COL22A1: variants seen among roughly 807,000 people sequenced by gnomAD.
COL22A1 encodes the protein collagen type XXII alpha 1 chain, also known as collagen alpha-1(XXII) chain.
In COL22A1, 221 loss-of-function variants were observed where a neutral mutation model predicts 248.9. The observed-to-expected ratio is 0.89, with a 90% CI of 0.80 to 0.99. The LOEUF (loss-of-function observed/expected upper bound fraction) is 0.99. COL22A1 is among the 50% of genes least tolerant of loss of function. The pLI, the probability that COL22A1 is intolerant of heterozygous loss-of-function variation, is 0.00. For missense variants in COL22A1, 2,240 were observed against 2,179.0 expected (o/e 1.03, Z -0.56); for synonymous variants, 891 against 793.4 (o/e 1.12, Z -2.07).
At chr8:138,746,742 G>A (rs369524599) in intron 22 of COL22A1, among the ~76,000 whole-genome samples, 166 of 152,314 alleles carry the variant, frequency 1.1e-3, no homozygotes, top group African/African-American at 3.8e-3. Flanking sequence ...ACTAGACGCT[G>A]GGCCTTTCAG....
chr8:138,854,244 C>T (rs1166313086), intron 3 of COL22A1, among the ~76,000 whole-genome samples: 7 of 152,176 alleles, frequency 4.6e-5, no homozygotes, highest in Admixed American at 4.6e-4. Context: ...AGGGCATGAA[C>T]ACATCCTGGG....
At chr8:138,783,608 T>A (rs1563758668) in intron 12 of COL22A1, among the ~76,000 whole-genome samples, 1 of 152,200 alleles carries the variant, frequency 6.6e-6, no homozygotes, top group Non-Finnish European at 1.5e-5. Flanking sequence ...GTTAATCTCC[T>A]TTGGCAACAC....
intron 37 of COL22A1, among the ~76,000 whole-genome samples, chr8:138,687,320 G>T (rs1826439384): frequency 6.6e-6 from 1 of 152,214 alleles, no homozygotes; most frequent in Non-Finnish European, 1.5e-5. Flanking sequence ...TCATAGATGT[G>T]TTGATCATTT....
At chr8:138,774,401 T>C (rs1487876181) in intron 16 of COL22A1, among the ~76,000 whole-genome samples, 1 of 149,206 alleles carries the variant, frequency 6.7e-6, no homozygotes, top group Non-Finnish European at 1.5e-5. Flanking sequence ...TTTAAAATGC[T>C]CACCAAAAGC....
At chr8:138,723,695 G>A (rs904924027) in intron 25 of COL22A1, among the ~76,000 whole-genome samples, 3 of 152,188 alleles carry the variant, frequency 2.0e-5, no homozygotes, top group African/African-American at 7.2e-5. Flanking sequence ...CATTCAGCCA[G>A]TGTTCCTCCC....
intron 1 of COL22A1, among the ~76,000 whole-genome samples, chr8:138,904,002 G>C (rs1814811714): frequency 1.3e-5 from 2 of 152,154 alleles, no homozygotes; most frequent in African/African-American, 4.8e-5. Context: ...TTTGTCAAAA[G>C]TCCAGAGGTA....
At chr8:138,735,223 C>G (rs772988062) in intron 23 of COL22A1, among the ~76,000 whole-genome samples, 1 of 152,254 alleles carries the variant, frequency 6.6e-6, no homozygotes, top group Admixed American at 6.5e-5. Context: ...GGCCTCTTAG[C>G]GTAAGAGTGG....
chr8:138,592,722 G>A, intron 63 of COL22A1, among the ~76,000 whole-genome samples: 1 of 142,880 alleles, frequency 7.0e-6, no homozygotes, highest in East Asian at 1.9e-4. Context: ...CCTGCCCCAT[G>A]CTTATTCCTA....
In COL22A1 at chr8:138,669,400, C is replaced by T. The variant is rs568807813; in HGVS notation, c.3151-5660G>A. Among the ~76,000 whole-genome samples the T allele has an allele frequency of 3.3e-5, 5 of 152,254 alleles. No homozygotes were observed. In the South Asian group the frequency reaches 6.2e-4, roughly 19 times the overall value. The stretch of plus-strand genomic sequence containing the variant: ...GGCAGTGTCTGGCCTTTCCCATGTC[C>T]GGTACCAAGAAGCCTTTCTTGTGCT... On this transcript the variant is annotated intron_variant, in intron 41 of 64. Transcript: ENST00000303045.
chr8:138,725,994 A>C (rs1326231118), intron 23 of COL22A1, among the ~76,000 whole-genome samples: 1 of 152,166 alleles, frequency 6.6e-6, no homozygotes, highest in African/African-American at 2.4e-5. Context: ...TTCTATGGAG[A>C]TCAGTCCTCA....
intron 23 of COL22A1, among the ~76,000 whole-genome samples, chr8:138,727,125 G>C (rs1429694827): frequency 6.6e-6 from 1 of 152,154 alleles, no homozygotes; most frequent in Non-Finnish European, 1.5e-5. Context: ...ACCACCTTCA[G>C]TGGCTCTGAT....
chr8:138,677,925 T>A (rs1391536626), intron 40 of COL22A1, among the ~76,000 whole-genome samples: 1 of 152,210 alleles, frequency 6.6e-6, no homozygotes, highest in Non-Finnish European at 1.5e-5. Flanking sequence ...GGAAACAGCC[T>A]CAGAAGCTTG....
rs373045572 is a variant in COL22A1 at position 138,772,665 on chromosome 8, T to A, written c.1803+3301A>T. The stretch of plus-strand genomic sequence containing the variant: ...CAGAGATTATGCTTGTAGTTTTGGA[T>A]TCTTTCTGGCACATTAAAGAAAATA... On this transcript the variant is annotated intron_variant, in intron 16 of 64. Transcript: ENST00000303045. Among the ~76,000 whole-genome samples the A allele has an allele frequency of 9.2e-5, 14 of 152,286 alleles. No homozygotes were observed. In the East Asian group the frequency reaches 1.9e-3, roughly 21 times the overall value.
intron 10 of COL22A1, among the ~76,000 whole-genome samples, chr8:138,807,310 T>C (rs1415580425): frequency 6.6e-6 from 1 of 152,108 alleles, no homozygotes; most frequent in East Asian, 1.9e-4. Flanking sequence ...CAGAGAGGAA[T>C]GAGACCACTC....
At chr8:138,811,673 T>C in intron 9 of COL22A1, 126 bp downstream of exon 9, 2 of 1,052,118 alleles carry the variant, frequency 1.9e-6, no homozygotes, top group Non-Finnish European at 2.9e-6. Flanking sequence ...CAACACAGGG[T>C]GCTGTCAGCT....
chr8:138,906,751 C>G (rs1815060501), intron 1 of COL22A1, among the ~76,000 whole-genome samples: 1 of 151,754 alleles, frequency 6.6e-6, no homozygotes, highest in African/African-American at 2.4e-5. Flanking sequence ...CTCCTGGATT[C>G]AAGCAATTCT....
chr8:138,847,525 C>T (rs1355593488), intron 3 of COL22A1, among the ~76,000 whole-genome samples: 2 of 152,146 alleles, frequency 1.3e-5, no homozygotes, highest in Non-Finnish European at 2.9e-5. Context: ...TATTCTATTC[C>T]CCACCTTTCC....
At chr8:138,663,566 T>G in intron 42 of COL22A1, 139 bp downstream of exon 42, 2 of 698,604 alleles carry the variant, frequency 2.9e-6, no homozygotes. Context: ...GTTCATAGGT[T>G]GGACAGTCTG....
At position 138,643,142 on chromosome 8, in the gene COL22A1, A is replaced by G. The variant is rs1324810601; in HGVS notation, c.3501+3487T>C. On this transcript the variant is annotated intron_variant, in intron 47 of 64. Transcript: ENST00000303045. ...TTAAAATTTGAAATTACAGGGCAAG[A>G]AGCTTGGCCTCAGCTGGTGATCCCA... 3.3e-5 allele frequency among the ~76,000 whole-genome samples: 5 copies of G among 152,286 alleles called. No individual in the cohort carries two copies. In the East Asian group the frequency reaches 7.7e-4, roughly 24 times the overall value.
Sources: gnomAD v4.1 joint callset for allele counts (sites outside exome capture counted in the v4.1 genomes callset) on GRCh38, gnomAD v4.1.1 for gene constraint, MANE v1.5 for transcripts, NCBI Gene and HGNC (gene_info 2026-07-23, HGNC 2026-07-21) for gene names.